The following WDHD1 variants were observed in gnomAD, a reference collection of about 807,000 sequenced individuals.
WDHD1 encodes the protein WD repeat and HMG-box DNA-binding protein 1.
In WDHD1, 111 loss-of-function variants were observed where a neutral mutation model predicts 135.4. That is an observed-to-expected ratio of 0.82 (90% CI 0.70 to 0.96). The LOEUF is 0.96. Among genes scored for constraint, WDHD1 ranks in the 40% least tolerant of loss-of-function variants. The probability of loss-of-function intolerance (pLI) is 0.00; values close to 1 mark genes in which losing one functional copy is unlikely to be tolerated. For synonymous variants in WDHD1, 434 were observed against 439.0 expected, an observed-to-expected ratio of 0.99 and a Z score of 0.14; for missense variants, 1,351 against 1,336.3, an observed-to-expected ratio of 1.01 and a Z score of -0.17.
At chr14:54,997,553 C>T (rs1369386331) in intron 10 of WDHD1, among the ~76,000 whole-genome samples, 2 of 152,062 alleles carry the variant, frequency 1.3e-5, no homozygotes. Context: ...TCAACCATTC[C>T]ATTTATAGTC....
At chr14:54,974,333 G>A (rs753260937) in intron 16 of WDHD1, among the ~76,000 whole-genome samples, 8 of 151,744 alleles carry the variant, frequency 5.3e-5, no homozygotes, top group Non-Finnish European at 7.4e-5. Flanking sequence ...CTCGGAAGGC[G>A]GAGGACGGAG....
chr14:54,954,587 T>C (rs749023176), intron 24 of WDHD1, among the ~76,000 whole-genome samples: 4 of 152,186 alleles, frequency 2.6e-5, no homozygotes, highest in Non-Finnish European at 5.9e-5. Flanking sequence ...CCATCTTTTG[T>C]CCACAAGTAG....
At chr14:54,955,444 C>T (rs2140158935) in intron 24 of WDHD1, 117 bp downstream of exon 24, 1 of 1,078,198 alleles carries the variant, frequency 9.3e-7, no homozygotes, top group Non-Finnish European at 1.2e-6. Context: ...AGAATGCCCA[C>T]TACCAATGCC....
At chr14:54,988,302 G>C (rs1361526988) in intron 13 of WDHD1, among the ~76,000 whole-genome samples, 1 of 151,492 alleles carries the variant, frequency 6.6e-6, no homozygotes, top group Non-Finnish European at 1.5e-5. Context: ...ATTAATAGTT[G>C]GCCAAGGCTC....
intron 11 of WDHD1, among the ~76,000 whole-genome samples, chr14:54,992,510 T>G (rs1004822241): frequency 2.0e-5 from 3 of 152,064 alleles, no homozygotes; most frequent in Non-Finnish European, 4.4e-5. Context: ...AACAAGAAAT[T>G]TGAGCTTTCA....
chr14:54,942,162 A>C (rs1454518477), intron 25 of WDHD1, among the ~76,000 whole-genome samples: 1 of 151,944 alleles, frequency 6.6e-6, no homozygotes, highest in Non-Finnish European at 1.5e-5. Flanking sequence ...GAGGCAGGAG[A>C]CTAGAGTGAA....
At chr14:55,005,413 A>T in intron 7 of WDHD1, 2 of 570,394 alleles carry the variant, frequency 3.5e-6, no homozygotes, top group South Asian at 2.8e-5. Flanking sequence ...CTCCAGTGGC[A>T]GCAGCAAACT....
At position 54,995,043 on chromosome 14, in the gene WDHD1, G is replaced by A. The variant is rs1395342648; in HGVS notation, c.1153+560C>T. On this transcript the variant is annotated intron_variant, in intron 11 of 25. Coordinates refer to ENST00000360586, the MANE Select transcript of WDHD1 (RefSeq NM_007086.4). Reference sequence around the variant, plus strand: ...TTGCCCATGCTGGCATGCAGTTGACGCGATCTCGGCTCACTGCAACCTCCA... The same window carrying A: ...TTGCCCATGCTGGCATGCAGTTGACACGATCTCGGCTCACTGCAACCTCCA... Among the ~76,000 whole-genome samples the A allele has an allele frequency of 3.9e-5, 6 of 152,192 alleles. No individual in the cohort carries two copies. The East Asian group carries it at 9.6e-4, about 24-fold the overall frequency.
chr14:55,018,005 G>A (rs1022061172), intron 2 of WDHD1, among the ~76,000 whole-genome samples: 1 of 152,032 alleles, frequency 6.6e-6, no homozygotes, highest in Non-Finnish European at 1.5e-5. Flanking sequence ...TCCCACCTCA[G>A]CAGCGCACAA....
At chr14:54,988,253 G>A (rs1485331051) in intron 13 of WDHD1, among the ~76,000 whole-genome samples, 1 of 151,528 alleles carries the variant, frequency 6.6e-6, no homozygotes, top group Non-Finnish European at 1.5e-5. Context: ...CTTTCTCGAA[G>A]AGAGATTTTA....
chr14:54,959,294 A>G (rs2041209653), intron 21 of WDHD1, among the ~76,000 whole-genome samples: 1 of 150,522 alleles, frequency 6.6e-6, no homozygotes, highest in Non-Finnish European at 1.5e-5. Flanking sequence ...GTTACTTGGG[A>G]GGCTGAGGTG....
intron 4 of WDHD1, among the ~76,000 whole-genome samples, chr14:55,008,972 T>C (rs2042120183): frequency 1.3e-5 from 2 of 152,032 alleles, no homozygotes; most frequent in African/African-American, 4.8e-5. Context: ...AATTTTTGTA[T>C]TTTTAGTAGA....
chr14:54,973,480 C>T (rs1476582682), intron 16 of WDHD1, among the ~76,000 whole-genome samples: 1 of 152,038 alleles, frequency 6.6e-6, no homozygotes, highest in Non-Finnish European at 1.5e-5. Context: ...TTTGAACATA[C>T]AATTTCATTT....
At position 54,941,808 on chromosome 14, in the gene WDHD1, T is replaced by C. The variant is rs78420354; in HGVS notation, c.3190-118A>G. ...ATATATAAAGCAGAATAATTAGCACTTGAATTAAGTGTTCTCATTGTTAAC... is the reference window on the plus strand; with the variant it reads ...ATATATAAAGCAGAATAATTAGCACCTGAATTAAGTGTTCTCATTGTTAAC... On this transcript the variant is annotated intron_variant, in intron 25 of 25. Coordinates refer to ENST00000360586, the MANE Select transcript of WDHD1 (RefSeq NM_007086.4). 6.7e-3 allele frequency: 5,633 copies of C among 842,852 alleles called. 113 individuals are homozygous for C. The highest frequency in any genetic ancestry group is 0.043 in the African/African-American group (2,521 of 58,248). The allele number at this position is 842,852 out of a possible 1,614,324, so 52.2% of individuals were successfully genotyped here.
chr14:55,010,272 T>C, intron 4 of WDHD1, 37 bp downstream of exon 4: 1 of 1,493,222 alleles, frequency 6.7e-7, no homozygotes, highest in Non-Finnish European at 8.9e-7. Flanking sequence ...CCTTTTGTTC[T>C]AACATTATTT....
chr14:54,992,946 ATAAT>A (rs1255276908), intron 11 of WDHD1, among the ~76,000 whole-genome samples: 4 of 152,108 alleles, frequency 2.6e-5, no homozygotes, highest in African/African-American at 9.7e-5. Context: ...AAAACAACAT[ATAAT>A]TAATTAAAAA....
chr14:54,993,766 A>T (rs1312884081), intron 11 of WDHD1, among the ~76,000 whole-genome samples: 3 of 152,108 alleles, frequency 2.0e-5, no homozygotes, highest in Non-Finnish European at 2.9e-5. Flanking sequence ...TGTTTTTCAT[A>T]AAAAAGTACT....
At chr14:54,994,910 T>C (rs939315365) in intron 11 of WDHD1, among the ~76,000 whole-genome samples, 3 of 152,216 alleles carry the variant, frequency 2.0e-5, no homozygotes, top group African/African-American at 7.2e-5. Flanking sequence ...CACCTCTCTT[T>C]CATTCTCTAT....
At chr14:55,007,952 T>C (rs1213503335) in intron 6 of WDHD1, among the ~76,000 whole-genome samples, 2 of 152,216 alleles carry the variant, frequency 1.3e-5, no homozygotes, top group Non-Finnish European at 2.9e-5. Context: ...AAACTGTATA[T>C]GTGACTCTCC....
Sources: gnomAD v4.1 joint callset for allele counts (sites outside exome capture counted in the v4.1 genomes callset) on GRCh38, gnomAD v4.1.1 for gene constraint, MANE v1.5 for transcripts, NCBI Gene and HGNC (gene_info 2026-07-23, HGNC 2026-07-21) for gene names.